Variants in CHRM3 observed in about 807,000 individuals in gnomAD.
The protein encoded by CHRM3 is cholinergic receptor muscarinic 3.
CHRM3 carries 11 observed loss-of-function variants against 41.8 expected under a neutral mutation model. The observed-to-expected ratio is 0.26, with a 90% CI of 0.17 to 0.44. CHRM3 has a LOEUF of 0.44. Ranked by LOEUF, CHRM3 falls within the 20% of genes least tolerant of loss-of-function variation. The probability of loss-of-function intolerance (pLI) is 1.00; values close to 1 mark genes in which losing one functional copy is unlikely to be tolerated. For synonymous variants in CHRM3, 297 were observed against 301.4 expected, an observed-to-expected ratio of 0.99 and a Z score of 0.15; for missense variants, 571 against 745.4, an observed-to-expected ratio of 0.77 and a Z score of 2.72.
intron 5 of CHRM3, among the ~76,000 whole-genome samples, chr1:239,796,524 T>G (rs778241574): frequency 9.9e-5 from 15 of 152,132 alleles, no homozygotes; most frequent in Non-Finnish European, 1.6e-4. Context: ...GTAGGCTTCA[T>G]GGACATTTTG....
At chr1:239,574,260 A>G (rs1005006555) in intron 3 of CHRM3, among the ~76,000 whole-genome samples, 1 of 152,154 alleles carries the variant, frequency 6.6e-6, no homozygotes, top group African/African-American at 2.4e-5. Context: ...TCACTCAGAG[A>G]AAAAGCCAGA....
At chr1:239,601,476 A>C (rs1665528414) in intron 3 of CHRM3, among the ~76,000 whole-genome samples, 1 of 152,156 alleles carries the variant, frequency 6.6e-6, no homozygotes, top group African/African-American at 2.4e-5. Context: ...ATGAGGTTAG[A>C]GTCAGATAAA....
At chr1:239,558,735 GTC>G (rs1660606297) in intron 3 of CHRM3, among the ~76,000 whole-genome samples, 1 of 152,152 alleles carries the variant, frequency 6.6e-6, no homozygotes, top group Admixed American at 6.5e-5. Context: ...CCTGGAAACT[GTC>G]TACTCATCCT....
intron 1 of CHRM3, chr1:239,408,089 A>T (rs1343806933): frequency 6.6e-6 from 1 of 152,024 alleles, no homozygotes; most frequent in Non-Finnish European, 1.5e-5. Context: ...GAGGTAACTG[A>T]CTCATGGGGG....
chr1:239,580,388 A>G (rs992912669), intron 3 of CHRM3, among the ~76,000 whole-genome samples: 1 of 151,800 alleles, frequency 6.6e-6, no homozygotes, highest in African/African-American at 2.4e-5. Context: ...GTATGCTATT[A>G]TCTAACAAAG....
Position 239,617,835 on chromosome 1 carries a change from C to T in CHRM3, c.-312-14389C>T, listed in dbSNP as rs529374168. 4.8e-4 allele frequency among the ~76,000 whole-genome samples: 73 copies of T among 152,310 alleles called. 1 individual carries two copies. The highest frequency in any genetic ancestry group is 1.7e-3 in the African/African-American group (72 of 41,564). On this transcript the variant is annotated intron_variant, in intron 3 of 6. Transcript: ENST00000676153. ...ATTCATTTCTGTCGCCTTCTTCACA[C>T]ACACATGCTCACAAGTGATGACAGT...
rs948194773 is a variant in CHRM3, at chr1:239,842,845, C to T, written c.-20+15467C>T. On this transcript the variant is annotated intron_variant, in intron 6 of 6. Coordinates refer to ENST00000676153, the MANE Select transcript of CHRM3 (RefSeq NM_001375978.1). Reference sequence around the variant, plus strand: ...TCTCAAGAACCTAGGCTTCCATTCCCATGGTCACCATCCGGGATTCAGATC... The same window carrying T: ...TCTCAAGAACCTAGGCTTCCATTCCTATGGTCACCATCCGGGATTCAGATC... 3.9e-4 allele frequency among the ~76,000 whole-genome samples: 59 copies of T among 152,264 alleles called. 1 individual carries two copies. The highest frequency in any genetic ancestry group is 1.2e-3 in the African/African-American group (50 of 41,540).
intron 5 of CHRM3, among the ~76,000 whole-genome samples, chr1:239,725,184 CT>C (rs1340108949): frequency 1.3e-5 from 2 of 151,734 alleles, no homozygotes; most frequent in East Asian, 3.9e-4. Flanking sequence ...GTGTATTTTT[CT>C]TTGTTTTGGT....
intron 1 of CHRM3, among the ~76,000 whole-genome samples, chr1:239,403,602 G>T (rs1177256616): frequency 1.3e-5 from 2 of 152,020 alleles, no homozygotes; most frequent in African/African-American, 2.4e-5. Flanking sequence ...GGATCTCCTG[G>T]AAATTATGGT....
At position 239,693,356 on chromosome 1, in the gene CHRM3, A is replaced by G. The variant is rs111789679; in HGVS notation, c.-147+15068A>G. ...AAAGCATAAATGAGGCCATAAGGGT[A>G]GGATCTCTCTCTCTCTCTCTTCTCA... On this transcript the variant is annotated intron_variant, in intron 5 of 6. Coordinates refer to ENST00000676153, the MANE Select transcript of CHRM3 (RefSeq NM_001375978.1). Among the ~76,000 whole-genome samples the G allele has an allele frequency of 7.6e-4, 116 of 152,248 alleles. 1 individual carries two copies. Among genetic ancestry groups the G allele is most frequent in the African/African-American group, 2.7e-3 (113 of 41,556 alleles).
chr1:239,407,134 A>G (rs1434330805), intron 1 of CHRM3, among the ~76,000 whole-genome samples: 4 of 152,038 alleles, frequency 2.6e-5, no homozygotes, highest in African/African-American at 9.7e-5. Flanking sequence ...ACTTACTATT[A>G]TATCTGTTTG....
intron 4 of CHRM3, among the ~76,000 whole-genome samples, chr1:239,652,709 C>T (rs1239156764): frequency 6.6e-6 from 1 of 151,964 alleles, no homozygotes; most frequent in East Asian, 1.9e-4. Flanking sequence ...GAGTTTCCTC[C>T]ACTGCTAAAT....
At chr1:239,412,463 A>G (rs1048558120) in intron 1 of CHRM3, among the ~76,000 whole-genome samples, 1 of 145,332 alleles carries the variant, frequency 6.9e-6, no homozygotes, top group African/African-American at 2.6e-5. Context: ...CCTTCACTCT[A>G]CTCATCCCCC....
intron 5 of CHRM3, among the ~76,000 whole-genome samples, chr1:239,794,291 T>C (rs913708853): frequency 1.3e-5 from 2 of 152,050 alleles, no homozygotes; most frequent in African/African-American, 4.8e-5. Context: ...AATGATGACA[T>C]GCACGTGGTT....
chr1:239,447,232 G>A (rs1664213826), intron 1 of CHRM3, among the ~76,000 whole-genome samples: 1 of 151,706 alleles, frequency 6.6e-6, no homozygotes, highest in African/African-American at 2.4e-5. Context: ...TTTTCTTTTA[G>A]AGATAACAAA....
At chr1:239,526,081 T>G (rs185899046) in intron 2 of CHRM3, among the ~76,000 whole-genome samples, 1 of 152,258 alleles carries the variant, frequency 6.6e-6, no homozygotes, top group East Asian at 1.9e-4. Flanking sequence ...ACAGTAGGCT[T>G]AACTTTATTA....
At chr1:239,772,219 C>T (rs1335134033) in intron 5 of CHRM3, among the ~76,000 whole-genome samples, 2 of 152,128 alleles carry the variant, frequency 1.3e-5, no homozygotes, top group Non-Finnish European at 2.9e-5. Context: ...GGCGCAATCT[C>T]AGCTCATTGT....
intron 1 of CHRM3, among the ~76,000 whole-genome samples, chr1:239,406,948 G>A (rs763863152): frequency 2.0e-4 from 31 of 152,172 alleles, no homozygotes; most frequent in Non-Finnish European, 4.6e-4. Flanking sequence ...TTTTTGGAGA[G>A]ATACCAGGCA....
intron 5 of CHRM3, chr1:239,730,468 A>G (rs1663862338): frequency 6.6e-6 from 1 of 152,004 alleles, no homozygotes; most frequent in Non-Finnish European, 1.5e-5. Flanking sequence ...TCTAACTCAC[A>G]GAAGTGGGAG....
Sources: gnomAD v4.1 joint callset for allele counts (sites outside exome capture counted in the v4.1 genomes callset) on GRCh38, gnomAD v4.1.1 for gene constraint, MANE v1.5 for transcripts, NCBI Gene and HGNC (gene_info 2026-07-23, HGNC 2026-07-21) for gene names.